Variants in CHTF8 observed in about 807,000 individuals in gnomAD.
The protein encoded by CHTF8 is chromosome transmission fidelity factor 8.
In CHTF8, 6 loss-of-function variants were observed where a neutral mutation model predicts 11.0. The ratio of observed to expected loss-of-function variants is 0.55; its 90% CI spans 0.30 to 1.08. The LOEUF (loss-of-function observed/expected upper bound fraction) is 1.08. Among genes scored for constraint, CHTF8 ranks in the 50% least tolerant of loss-of-function variants. The pLI, the probability that CHTF8 is intolerant of heterozygous loss-of-function variation, is 0.07. For synonymous variants in CHTF8, 53 were observed against 60.5 expected (o/e 0.88, Z 0.57); for missense variants, 140 against 153.1 (o/e 0.91, Z 0.45).
Position 69,121,618 on chromosome 16 carries a change from C to G in CHTF8, c.-35-125G>C. 1.0e-5 allele frequency: 6 copies of G among 576,766 alleles called. No homozygotes were observed. In the South Asian group the frequency reaches 1.1e-4, roughly 11 times the overall value. 35.7% of individuals were successfully genotyped at this position (576,766 alleles called of 1,614,324 possible). On this transcript the variant is annotated intron_variant, in intron 1 of 3. Transcript: ENST00000448552. ...TCAGCCTCCCGAGTAGCTGGGAATA[C>G]AGGCACCCACCACTATGGCCAGCTA...
At chr16:69,127,841 C>T (rs183674567) in intron 1 of CHTF8, among the ~76,000 whole-genome samples, 1 of 152,102 alleles carries the variant, frequency 6.6e-6, no homozygotes, top group East Asian at 1.9e-4. Context: ...AACTCCTGAC[C>T]TCAAGTGATC....
In CHTF8 at chr16:69,130,883, T is replaced by A. The variant is rs116143940; in HGVS notation, c.-36+1601A>T. ...CAGTAGAATTCAAACATGGCAGTTGTGGTTCACCAAACTGCTTCAGGGATT... is the reference window on the plus strand; with the variant it reads ...CAGTAGAATTCAAACATGGCAGTTGAGGTTCACCAAACTGCTTCAGGGATT... On this transcript the variant is annotated intron_variant, in intron 1 of 3. Transcript: ENST00000448552. Among the ~76,000 whole-genome samples the A allele has an allele frequency of 4.9e-3, 743 of 152,332 alleles. 3 individuals are homozygous for A. Among genetic ancestry groups the A allele is most frequent in the African/African-American group, 0.017 (724 of 41,586 alleles).
intron 1 of CHTF8, among the ~76,000 whole-genome samples, 197 bp from the exon 2 acceptor site, chr16:69,121,690 C>CG (rs1341680014): frequency 7.0e-6 from 1 of 142,510 alleles, no homozygotes; most frequent in African/African-American, 2.6e-5. Context: ...TTTTTTGAGA[C>CG]GGAGTCTCAC....
intron 1 of CHTF8, among the ~76,000 whole-genome samples, chr16:69,126,901 A>G (rs1166858375): frequency 6.6e-6 from 1 of 152,188 alleles, no homozygotes. Flanking sequence ...CTGAGGACAC[A>G]CCTGATGGAG....
chr16:69,119,250 G>A lies in CHTF8; in HGVS notation c.*1175C>T. On this transcript the variant is annotated 3_prime_UTR_variant, in exon 4 of 4. Transcript: ENST00000448552. ...CTCTTGGGAAAATGGTTGGATTTGA[G>A]CCCTGGAGGCCAGCGGACCTTTGGA... The A allele has an allele frequency of 1.4e-6, 1 of 703,036 alleles. No homozygotes were observed. Among genetic ancestry groups the A allele is most frequent in the Non-Finnish European group, 2.6e-6 (1 of 384,984 alleles). 43.5% of individuals were successfully genotyped at this position (703,036 alleles called of 1,614,324 possible).
rs146170123 is a variant in CHTF8, at chr16:69,121,490, C to G, written c.-32G>C. 126 of 1,587,996 alleles carry G rather than the reference C, an allele frequency of 7.9e-5. No individual in the cohort carries two copies. In the African/African-American group the frequency reaches 1.6e-3, roughly 20 times the overall value. Reference sequence around the variant, plus strand: ...TCTGTCTTTAAAAAGCAAGTGAAAACAAGCTGTAGAGAGAAAAAAAGAGAT... The same window carrying G: ...TCTGTCTTTAAAAAGCAAGTGAAAAGAAGCTGTAGAGAGAAAAAAAGAGAT... On this transcript the variant is annotated 5_prime_UTR_variant, in exon 2 of 4. Coordinates refer to ENST00000448552, the MANE Select transcript of CHTF8 (RefSeq NM_001039690.5).
At position 69,118,216 on chromosome 16, in the gene CHTF8, G is replaced by A. The variant is rs558377340; in HGVS notation, c.*2209C>T. ...TGGGAGTACCAGTGAAGAGGGAGTT[G>A]GATGAGTAGAGGGGCCTTAAATCTG... On this transcript the variant is annotated 3_prime_UTR_variant, in exon 4 of 4. Coordinates refer to ENST00000448552, the MANE Select transcript of CHTF8 (RefSeq NM_001039690.5). 7 of 493,116 alleles carry A rather than the reference G, an allele frequency of 1.4e-5. No individual in the cohort carries two copies. Among genetic ancestry groups the A allele is most frequent in the Admixed American group, 1.4e-4 (5 of 35,244 alleles). The allele number at this position is 493,116 out of a possible 1,614,324, so 30.5% of individuals were successfully genotyped here. A position where few individuals can be genotyped will look rare whatever the true frequency, so the allele number is the denominator to read the frequency against.
Position 69,118,708 on chromosome 16 carries a change from G to A in CHTF8, c.*1717C>T, listed in dbSNP as rs968435507. ...CATCTCACCTTCAGTCAAGAAAAAC[G>A]CAAAGGAAAAAGATGGCTCATTTGA... is the stretch of plus-strand genomic sequence containing the variant. On this transcript the variant is annotated 3_prime_UTR_variant, in exon 4 of 4. Coordinates refer to ENST00000448552, the MANE Select transcript of CHTF8 (RefSeq NM_001039690.5). 3.4e-5 allele frequency: 22 copies of A among 649,490 alleles called. No individual in the cohort carries two copies. The highest frequency in any genetic ancestry group is 1.8e-4 in the South Asian group (10 of 56,768). The allele number at this position is 649,490 out of a possible 1,614,324, so 40.2% of individuals were successfully genotyped here.
intron 1 of CHTF8, chr16:69,131,362 T>C (rs1026940480): frequency 1.3e-5 from 2 of 152,102 alleles, no homozygotes; most frequent in Non-Finnish European, 2.9e-5. Flanking sequence ...GTTTTCTCCA[T>C]CTTCTGCTAC....
At chr16:69,126,886 C>T (rs982172349) in intron 1 of CHTF8, among the ~76,000 whole-genome samples, 7 of 152,150 alleles carry the variant, frequency 4.6e-5, no homozygotes, top group African/African-American at 1.7e-4. Flanking sequence ...TTCCTGAGTA[C>T]TCCCCTGAGG....
intron 1 of CHTF8, among the ~76,000 whole-genome samples, chr16:69,123,631 G>A (rs574897061): frequency 1.3e-5 from 2 of 152,232 alleles, no homozygotes; most frequent in Admixed American, 6.5e-5. Context: ...CTGGGCGACA[G>A]AGTGAGACTG....
intron 1 of CHTF8, among the ~76,000 whole-genome samples, chr16:69,127,239 C>CA (rs532264036): frequency 2.2e-3 from 242 of 108,708 alleles, no homozygotes; most frequent in South Asian, 4.6e-3. Flanking sequence ...AACTCCGTCT[C>CA]AAAAAAAAAA....
At position 69,119,724 on chromosome 16, in the gene CHTF8, C is replaced by A; in HGVS notation, c.*701G>T. On this transcript the variant is annotated 3_prime_UTR_variant, in exon 4 of 4. Transcript: ENST00000448552. ...CCAGGCCACTTGGTCTTGGGTTGGGCCCAAGGCCTGGGCCTGGAAACACAC... is the reference window on the plus strand; with the variant it reads ...CCAGGCCACTTGGTCTTGGGTTGGGACCAAGGCCTGGGCCTGGAAACACAC... The A allele has an allele frequency of 1.5e-6, 1 of 687,372 alleles. No individual in the cohort carries two copies. Among genetic ancestry groups the A allele is most frequent in the Non-Finnish European group, 2.7e-6 (1 of 375,110 alleles). 42.6% of individuals were successfully genotyped at this position (687,372 alleles called of 1,614,324 possible).
chr16:69,124,666 C>A (rs1961930080), intron 1 of CHTF8, among the ~76,000 whole-genome samples: 1 of 152,008 alleles, frequency 6.6e-6, no homozygotes, highest in Admixed American at 6.6e-5. Flanking sequence ...TGAGCCACCA[C>A]CCCCAGCCGA....
At chr16:69,125,425 CAG>C (rs1192896443) in intron 1 of CHTF8, among the ~76,000 whole-genome samples, 2 of 152,008 alleles carry the variant, frequency 1.3e-5, no homozygotes, top group Admixed American at 1.3e-4. Context: ...TGCTATGTGA[CAG>C]AGTAGAAATC....
intron 1 of CHTF8, among the ~76,000 whole-genome samples, chr16:69,125,673 C>G (rs1962011843): frequency 1.3e-5 from 2 of 152,154 alleles, no homozygotes; most frequent in South Asian, 4.1e-4. Flanking sequence ...AGCTCAGAAC[C>G]CAAACATTTC....
chr16:69,122,729 A>G (rs1438449234), intron 1 of CHTF8, among the ~76,000 whole-genome samples: 2 of 151,824 alleles, frequency 1.3e-5, no homozygotes, highest in Non-Finnish European at 2.9e-5. Context: ...TTTAGTAGAG[A>G]CGAGGTTTCT....
intron 1 of CHTF8, among the ~76,000 whole-genome samples, chr16:69,122,322 A>C (rs1216455575): frequency 6.6e-6 from 1 of 151,928 alleles, no homozygotes; most frequent in East Asian, 1.9e-4. Context: ...TGCAAAGACC[A>C]TACTCTTGCT....
At chr16:69,124,608 G>A (rs1220613616) in intron 1 of CHTF8, among the ~76,000 whole-genome samples, 1 of 151,360 alleles carries the variant, frequency 6.6e-6, no homozygotes, top group Non-Finnish European at 1.5e-5. Flanking sequence ...CTTCTGACCT[G>A]AGGTGATCCA....
Sources: gnomAD v4.1 joint callset for allele counts (sites outside exome capture counted in the v4.1 genomes callset) on GRCh38, gnomAD v4.1.1 for gene constraint, MANE v1.5 for transcripts, NCBI Gene and HGNC (gene_info 2026-07-23, HGNC 2026-07-21) for gene names.